Variants in PARP8 observed in about 807,000 individuals in gnomAD.
PARP8 encodes the protein poly(ADP-ribose) polymerase family member 8, also known as protein mono-ADP-ribosyltransferase PARP8.
PARP8 carries 51 observed loss-of-function variants against 124.1 expected under a neutral mutation model. That is an observed-to-expected ratio of 0.41 (90% CI 0.33 to 0.52). The LOEUF (loss-of-function observed/expected upper bound fraction) is 0.52. Among genes scored for constraint, PARP8 ranks in the 20% least tolerant of loss-of-function variants. The pLI, the probability that PARP8 is intolerant of heterozygous loss-of-function variation, is 0.21. For synonymous variants in PARP8, 391 were observed against 361.5 expected (o/e 1.08, Z -0.93); for missense variants, 860 against 1,018.9 (o/e 0.84, Z 2.12).
intron 2 of PARP8, among the ~76,000 whole-genome samples, chr5:50,733,746 C>CT (rs908162046): frequency 2.3e-4 from 35 of 151,480 alleles, no homozygotes; most frequent in Non-Finnish European, 3.8e-4. Flanking sequence ...CATATTCAAA[C>CT]TTTTTTTTTG....
intron 2 of PARP8, among the ~76,000 whole-genome samples, chr5:50,713,449 C>T (rs1754983911): frequency 6.6e-6 from 1 of 151,928 alleles, no homozygotes; most frequent in Non-Finnish European, 1.5e-5. Context: ...CCTTGTTGCC[C>T]AGGCTGACCT....
At chr5:50,804,631 A>G (rs954113094) in intron 14 of PARP8, among the ~76,000 whole-genome samples, 1 of 152,182 alleles carries the variant, frequency 6.6e-6, no homozygotes, top group African/African-American at 2.4e-5. Flanking sequence ...TACAAAATAT[A>G]GTAGTAATTC....
At position 50,813,160 on chromosome 5, in the gene PARP8, T is replaced by C. The variant is rs532082683; in HGVS notation, c.1576-2272T>C. Among the ~76,000 whole-genome samples, 841 of 152,320 alleles carry C rather than the reference T, an allele frequency of 5.5e-3. 7 individuals carry two copies. The highest frequency in any genetic ancestry group is 0.019 in the African/African-American group (787 of 41,572). Reference sequence around the variant, plus strand: ...CATTGGTAGCTTCATGGGGATGGCATTGAATCTATAAATTACCTTGGGCAG... The same window carrying C: ...CATTGGTAGCTTCATGGGGATGGCACTGAATCTATAAATTACCTTGGGCAG... On this transcript the variant is annotated intron_variant, in intron 14 of 25. Coordinates refer to ENST00000281631, the MANE Select transcript of PARP8 (RefSeq NM_024615.4).
At chr5:50,780,685 T>C (rs1740568312) in intron 9 of PARP8, among the ~76,000 whole-genome samples, 1 of 152,206 alleles carries the variant, frequency 6.6e-6, no homozygotes, top group Non-Finnish European at 1.5e-5. Flanking sequence ...TCATATATTT[T>C]ACAATTTGGA....
At chr5:50,775,011 A>C in intron 7 of PARP8, among the ~76,000 whole-genome samples, 1 of 148,642 alleles carries the variant, frequency 6.7e-6, no homozygotes, top group Non-Finnish European at 1.5e-5. Flanking sequence ...GCGGCCAGGC[A>C]GAGACGCTCC....
At chr5:50,671,218 C>T (rs1749968201) in intron 2 of PARP8, among the ~76,000 whole-genome samples, 1 of 152,152 alleles carries the variant, frequency 6.6e-6, no homozygotes, top group South Asian at 2.1e-4. Flanking sequence ...CCTTAAAACC[C>T]AAAGGTTTGG....
intron 3 of PARP8, among the ~76,000 whole-genome samples, chr5:50,752,257 ATG>A (rs926647229): frequency 1.1e-4 from 16 of 152,046 alleles, no homozygotes; most frequent in African/African-American, 3.9e-4. Context: ...TATGAGAATT[ATG>A]TGTTTTGTCA....
At chr5:50,828,141 A>G in intron 20 of PARP8, 85 bp downstream of exon 20, 1 of 1,184,726 alleles carries the variant, frequency 8.4e-7, no homozygotes, top group Admixed American at 1.8e-5. Flanking sequence ...GTCTTTCAGT[A>G]AATGATCATT....
chr5:50,721,458 C>G (rs1462690054), intron 2 of PARP8, among the ~76,000 whole-genome samples: 2 of 152,120 alleles, frequency 1.3e-5, no homozygotes, highest in East Asian at 3.9e-4. Context: ...TAATTTATCT[C>G]AGAGTTCAGA....
chr5:50,690,271 T>A (rs892807370), intron 2 of PARP8, among the ~76,000 whole-genome samples: 9 of 152,194 alleles, frequency 5.9e-5, no homozygotes, highest in African/African-American at 2.2e-4. Flanking sequence ...TCCTACTGGA[T>A]GGTCTCCATT....
intron 5 of PARP8, 43 bp downstream of exon 5, chr5:50,760,405 A>G (rs1251342309): frequency 1.5e-6 from 2 of 1,329,622 alleles, no homozygotes; most frequent in East Asian, 2.8e-5. Context: ...CAGTATAGAT[A>G]TATTTAAAAT....
At chr5:50,795,506 A>G in intron 12 of PARP8, 89 bp downstream of exon 12, 1 of 1,091,066 alleles carries the variant, frequency 9.2e-7, no homozygotes, top group Non-Finnish European at 1.3e-6. Context: ...TGGAGAAAAG[A>G]AGCAAAACTT....
chr5:50,830,138 C>T (rs1023429402), intron 22 of PARP8, among the ~76,000 whole-genome samples, 177 bp downstream of exon 22: 2 of 151,980 alleles, frequency 1.3e-5, no homozygotes, highest in Non-Finnish European at 2.9e-5. Context: ...TAATACTCTC[C>T]CTAGTGTACA....
chr5:50,818,528 C>A (rs1029361544), intron 15 of PARP8, among the ~76,000 whole-genome samples: 3 of 152,108 alleles, frequency 2.0e-5, no homozygotes, highest in Non-Finnish European at 4.4e-5. Context: ...CCATGCCCAG[C>A]CTCTCTTACA....
At chr5:50,757,442 G>A (rs1436210553) in intron 3 of PARP8, among the ~76,000 whole-genome samples, 1 of 152,012 alleles carries the variant, frequency 6.6e-6, no homozygotes, top group African/African-American at 2.4e-5. Context: ...CATAGATTGG[G>A]TCTATCTCTG....
rs560940356 is a variant in PARP8 at position 50,753,458 on chromosome 5, A to G, written c.184+3270A>G. On this transcript the variant is annotated intron_variant, in intron 3 of 25. Coordinates refer to ENST00000281631, the MANE Select transcript of PARP8 (RefSeq NM_024615.4). ...TAGCCCCAAAAATATAATTGTTTTT[A>G]TACCTAATAAACATTTATATTTTAT... Among the ~76,000 whole-genome samples the G allele has an allele frequency of 1.4e-3, 211 of 152,262 alleles. 1 individual carries two copies. Among genetic ancestry groups the G allele is most frequent in the African/African-American group, 5.0e-3 (209 of 41,566 alleles).
chr5:50,787,620 A>G (rs560645512), intron 9 of PARP8, among the ~76,000 whole-genome samples: 27 of 152,082 alleles, frequency 1.8e-4, no homozygotes, highest in African/African-American at 5.8e-4. Flanking sequence ...TCATGGGTGC[A>G]GGGATATTCG....
Position 50,683,980 on chromosome 5 carries a change from C to T in PARP8, c.146+15855C>T, listed in dbSNP as rs541745492. On this transcript the variant is annotated intron_variant, in intron 2 of 25. Coordinates refer to ENST00000281631, the MANE Select transcript of PARP8 (RefSeq NM_024615.4). ...ACCAAGATATGAACTTAGACATTTT[C>T]GTAAGCATTTATAGGCTATTCTCAT... 5.3e-5 allele frequency among the ~76,000 whole-genome samples: 8 copies of T among 152,232 alleles called. No individual in the cohort carries two copies. In the East Asian group the frequency reaches 7.7e-4, roughly 15 times the overall value.
In PARP8 at chr5:50,845,099, T is replaced by A. The variant is rs1367383431; in HGVS notation, c.*3031T>A. ...CAAGCTATTGTTAATGCTCTGAATG[T>A]TTTTCTTTGAAAATTTAAGTTTAGA... On this transcript the variant is annotated 3_prime_UTR_variant, in exon 26 of 26. Coordinates refer to ENST00000281631, the MANE Select transcript of PARP8 (RefSeq NM_024615.4). The A allele has an allele frequency of 6.6e-6, 1 of 151,646 alleles. No homozygotes were observed. The highest frequency in any genetic ancestry group is 2.4e-5 in the African/African-American group (1 of 41,368). The allele number at this position is 151,646 out of a possible 1,614,324, so 9.4% of individuals were successfully genotyped here. A position where few individuals can be genotyped will look rare whatever the true frequency, so the allele number is the denominator to read the frequency against.
Sources: allele counts gnomAD v4.1 joint callset (sites outside exome capture counted in the v4.1 genomes callset), GRCh38; gene constraint gnomAD v4.1.1; transcripts MANE v1.5; gene names NCBI Gene and HGNC (gene_info 2026-07-23, HGNC 2026-07-21).